SEMA6D: variants seen among roughly 807,000 people sequenced by gnomAD.
The protein encoded by SEMA6D is semaphorin 6D.
In SEMA6D, 35 loss-of-function variants were observed where a neutral mutation model predicts 106.6. The observed-to-expected ratio is 0.33, with a 90% CI of 0.25 to 0.44. The LOEUF is 0.44. SEMA6D is among the 20% of genes least tolerant of loss of function. The pLI, the probability that SEMA6D is intolerant of heterozygous loss-of-function variation, is 1.00. For synonymous variants in SEMA6D, 499 were observed against 487.7 expected, an observed-to-expected ratio of 1.02 and a Z score of -0.31; for missense variants, 1,185 against 1,345.9, an observed-to-expected ratio of 0.88 and a Z score of 1.87.
chr15:47,557,574 A>G (rs2045950628), intron 3 of SEMA6D, among the ~76,000 whole-genome samples: 2 of 152,114 alleles, frequency 1.3e-5, no homozygotes, highest in African/African-American at 2.4e-5. Flanking sequence ...CAATCTTTAT[A>G]ATAGATGAAC....
chr15:47,312,146 G>GTT (rs55676647), intron 1 of SEMA6D, among the ~76,000 whole-genome samples: 3,701 of 142,166 alleles, frequency 0.026, 141 homozygotes, highest in African/African-American at 0.088. Context: ...TCTTTCTAGG[G>GTT]TTTTTTTTTT....
intron 4 of SEMA6D, among the ~76,000 whole-genome samples, chr15:47,612,131 T>G (rs1263302685): frequency 6.6e-6 from 1 of 152,152 alleles, no homozygotes; most frequent in Non-Finnish European, 1.5e-5. Context: ...CTGGAGAGAA[T>G]GATATACTCT....
At chr15:47,693,889 G>C (rs535702844) in intron 4 of SEMA6D, among the ~76,000 whole-genome samples, 4 of 152,066 alleles carry the variant, frequency 2.6e-5, no homozygotes, top group Non-Finnish European at 5.9e-5. Context: ...TATTCAGTGA[G>C]CCGTGATCGC....
chr15:47,771,951 T>C lies in SEMA6D; in HGVS notation c.*166T>C. The stretch of plus-strand genomic sequence containing the variant: ...AACATCAGAACTTGCCACATGTAGC[T>C]ACTGCAGCAAGGCTTCTGTGTACTT... On this transcript the variant is annotated 3_prime_UTR_variant, in exon 19 of 19. Transcript: ENST00000536845. 3.0e-6 allele frequency: 2 copies of C among 663,776 alleles called. No homozygotes were observed. Among genetic ancestry groups the C allele is most frequent in the Non-Finnish European group, 5.1e-6 (2 of 391,834 alleles). 41.1% of individuals were successfully genotyped at this position (663,776 alleles called of 1,614,324 possible).
rs1555431241 is a variant in SEMA6D, at chr15:47,772,357, C to CGCGTGT, written c.*573_*574insCGTGTG. The CGCGTGT allele has an allele frequency of 1.4e-5, 2 of 141,638 alleles. No homozygotes were observed. Among genetic ancestry groups the CGCGTGT allele is most frequent in the East Asian group, 2.1e-4 (1 of 4,826 alleles). 8.8% of individuals were successfully genotyped at this position (141,638 alleles called of 1,614,324 possible). On this transcript the variant is annotated 3_prime_UTR_variant, in exon 19 of 19. Transcript: ENST00000536845. The stretch of plus-strand genomic sequence containing the variant: ...CACCAACAAACTTGTTGTGTGTGTG[C>CGCGTGT]GTGTGTGTGTGTGTGTGTGTGTGTG...
chr15:47,423,331 A>T (rs1330484711), intron 2 of SEMA6D, among the ~76,000 whole-genome samples: 2 of 151,926 alleles, frequency 1.3e-5, no homozygotes, highest in African/African-American at 4.8e-5. Flanking sequence ...TTGATAAATG[A>T]TCTTCACCAT....
At chr15:47,482,768 A>G (rs2043188713) in intron 3 of SEMA6D, among the ~76,000 whole-genome samples, 1 of 152,142 alleles carries the variant, frequency 6.6e-6, no homozygotes, top group Admixed American at 6.6e-5. Context: ...TTGTTTTGAT[A>G]AAAAACAAGT....
At chr15:47,229,675 A>G (rs2032052251) in intron 1 of SEMA6D, among the ~76,000 whole-genome samples, 1 of 152,108 alleles carries the variant, frequency 6.6e-6, no homozygotes, top group South Asian at 2.1e-4. Flanking sequence ...AGCTGAAGTC[A>G]TATTTGCTGG....
At chr15:47,401,687 A>G (rs1456456588) in intron 1 of SEMA6D, among the ~76,000 whole-genome samples, 1 of 152,090 alleles carries the variant, frequency 6.6e-6, no homozygotes, top group Admixed American at 6.6e-5. Flanking sequence ...CTGCCCAGTG[A>G]CTCTGCATAT....
chr15:47,711,385 G>A (rs1362002767), intron 4 of SEMA6D, among the ~76,000 whole-genome samples: 1 of 151,614 alleles, frequency 6.6e-6, no homozygotes. Flanking sequence ...TAGGTTCGAA[G>A]GCCAGAGGGG....
At chr15:47,297,469 A>G (rs1177350306) in intron 1 of SEMA6D, among the ~76,000 whole-genome samples, 1 of 152,174 alleles carries the variant, frequency 6.6e-6, no homozygotes, top group Non-Finnish European at 1.5e-5. Flanking sequence ...AAATGTTCAT[A>G]AAGAGATCAT....
intron 3 of SEMA6D, among the ~76,000 whole-genome samples, chr15:47,546,194 G>T (rs1252111344): frequency 6.6e-6 from 1 of 152,140 alleles, no homozygotes; most frequent in African/African-American, 2.4e-5. Flanking sequence ...AGTAAAAAGA[G>T]GTGCAAAGTA....
At chr15:47,398,736 C>T (rs908306887) in intron 1 of SEMA6D, among the ~76,000 whole-genome samples, 1 of 152,148 alleles carries the variant, frequency 6.6e-6, no homozygotes, top group Admixed American at 6.5e-5. Context: ...ACTCCTTTGT[C>T]CTGGTGTCAG....
At chr15:47,699,119 G>A (rs1322809843) in intron 4 of SEMA6D, among the ~76,000 whole-genome samples, 1 of 152,166 alleles carries the variant, frequency 6.6e-6, no homozygotes, top group Non-Finnish European at 1.5e-5. Flanking sequence ...ACCCAGTCTA[G>A]TAAGGACAAG....
intron 4 of SEMA6D, among the ~76,000 whole-genome samples, chr15:47,634,378 T>C (rs1026037635): frequency 6.6e-6 from 1 of 152,144 alleles, no homozygotes. Flanking sequence ...TGGTCTTCAC[T>C]GCCACCTGGG....
intron 1 of SEMA6D, among the ~76,000 whole-genome samples, chr15:47,216,704 T>A (rs1318027925): frequency 6.6e-6 from 1 of 151,946 alleles, no homozygotes; most frequent in African/African-American, 2.4e-5. Context: ...ACAAAAAAGA[T>A]AAATACTTGA....
chr15:47,550,995 C>G (rs2045669243), intron 3 of SEMA6D, among the ~76,000 whole-genome samples: 1 of 152,140 alleles, frequency 6.6e-6, no homozygotes, highest in Non-Finnish European at 1.5e-5. Context: ...AAAAATTAGA[C>G]TAGAACTATC....
intron 1 of SEMA6D, among the ~76,000 whole-genome samples, chr15:47,347,674 T>C (rs182159674): frequency 5.3e-5 from 8 of 152,340 alleles, no homozygotes; most frequent in Admixed American, 4.6e-4. Context: ...AAGCTAGATA[T>C]GAGATATGGA....
At chr15:47,351,996 A>G (rs887778644) in intron 1 of SEMA6D, among the ~76,000 whole-genome samples, 1 of 152,200 alleles carries the variant, frequency 6.6e-6, no homozygotes, top group African/African-American at 2.4e-5. Context: ...AGATCTGAAA[A>G]TAAATAAGAA....
Sources: allele counts gnomAD v4.1 joint callset (sites outside exome capture counted in the v4.1 genomes callset), GRCh38; gene constraint gnomAD v4.1.1; transcripts MANE v1.5; gene names NCBI Gene and HGNC (gene_info 2026-07-23, HGNC 2026-07-21).